The following ATRNL1 variants were observed in gnomAD, a reference collection of about 807,000 sequenced individuals.
The protein encoded by ATRNL1 is attractin-like protein 1.
ATRNL1 carries 95 observed loss-of-function variants against 182.7 expected under a neutral mutation model. That is an observed-to-expected ratio of 0.52 (90% confidence interval 0.44 to 0.62). The LOEUF is 0.62. Among genes scored for constraint, ATRNL1 ranks in the 20% least tolerant of loss-of-function variants. The probability of loss-of-function intolerance (pLI) is 0.00; values close to 1 mark genes in which losing one functional copy is unlikely to be tolerated. For missense variants in ATRNL1, 1,471 were observed against 1,679.5 expected (o/e 0.88, Z 2.17); for synonymous variants, 576 against 568.3 (o/e 1.01, Z -0.19).
chr10:115,528,855 C>A (rs1554987404), intron 25 of ATRNL1, among the ~76,000 whole-genome samples: 1 of 151,974 alleles, frequency 6.6e-6, no homozygotes, highest in African/African-American at 2.4e-5. Context: ...TTTCTAATTT[C>A]ATTGTGATTT....
chr10:115,523,051 C>G (rs1851028607), intron 25 of ATRNL1, among the ~76,000 whole-genome samples: 1 of 152,110 alleles, frequency 6.6e-6, no homozygotes, highest in Non-Finnish European at 1.5e-5. Flanking sequence ...TCTGCAGGGT[C>G]TCCACCCCTA....
chr10:115,688,085 G>A (rs1188099934), intron 26 of ATRNL1, among the ~76,000 whole-genome samples: 2 of 151,882 alleles, frequency 1.3e-5, no homozygotes, highest in African/African-American at 2.4e-5. Flanking sequence ...TCTGTGCCTG[G>A]CTTGTTTCAC....
chr10:115,106,832 C>T (rs2143486544), intron 1 of ATRNL1, among the ~76,000 whole-genome samples: 1 of 152,174 alleles, frequency 6.6e-6, no homozygotes, highest in Middle Eastern at 3.4e-3. Flanking sequence ...TCTTTATCAG[C>T]AGTGTGAAAA....
intron 25 of ATRNL1, among the ~76,000 whole-genome samples, chr10:115,543,352 A>G (rs1262122227): frequency 6.6e-6 from 1 of 152,182 alleles, no homozygotes; most frequent in Non-Finnish European, 1.5e-5. Context: ...ATTTTAAGTT[A>G]GAAGTGTATT....
intron 26 of ATRNL1, among the ~76,000 whole-genome samples, chr10:115,602,983 A>G (rs782671073): frequency 6.6e-6 from 1 of 152,214 alleles, no homozygotes; most frequent in African/African-American, 2.4e-5. Context: ...GTTAAAACAG[A>G]TACAAATGAA....
chr10:115,631,320 A>G (rs1379435351), intron 26 of ATRNL1, among the ~76,000 whole-genome samples: 4 of 152,118 alleles, frequency 2.6e-5, no homozygotes, highest in African/African-American at 4.8e-5. Flanking sequence ...AATATATTGT[A>G]TACCTTAAAC....
chr10:115,156,875 A>G (rs1173644251), intron 5 of ATRNL1, among the ~76,000 whole-genome samples: 1 of 152,112 alleles, frequency 6.6e-6, no homozygotes, highest in African/African-American at 2.4e-5. Context: ...CACATATAGT[A>G]TGTTCTTATT....
intron 26 of ATRNL1, among the ~76,000 whole-genome samples, chr10:115,704,072 A>G (rs1430076825): frequency 2.6e-5 from 4 of 152,028 alleles, no homozygotes; most frequent in Non-Finnish European, 1.5e-5. Context: ...TAAAAGGAAG[A>G]AAATTTTTAA....
At chr10:115,680,384 T>A (rs1946008805) in intron 26 of ATRNL1, among the ~76,000 whole-genome samples, 1 of 152,096 alleles carries the variant, frequency 6.6e-6, no homozygotes, top group African/African-American at 2.4e-5. Flanking sequence ...AGAGTTGACA[T>A]CTTCTCTGCT....
Position 115,251,481 on chromosome 10 carries a change from T to G in ATRNL1, c.1687+9756T>G, listed in dbSNP as rs559132965. ...TTTTGAGCTGGACCTTGTCCAGCTG[T>G]TTTCCTATTGTCTCCCATCATTGGG... On this transcript the variant is annotated intron_variant, in intron 10 of 28. Transcript: ENST00000355044. Among the ~76,000 whole-genome samples the G allele has an allele frequency of 1.9e-4, 29 of 152,200 alleles. 1 individual carries two copies. In the South Asian group the frequency reaches 5.6e-3, roughly 29 times the overall value.
intron 28 of ATRNL1, among the ~76,000 whole-genome samples, chr10:115,919,416 C>T (rs187705718): frequency 4.6e-5 from 7 of 152,248 alleles, no homozygotes; most frequent in Non-Finnish European, 8.8e-5. Flanking sequence ...ATAATCTCAG[C>T]TCAGAGCTCC....
At chr10:115,447,643 T>A (rs1469118752) in intron 21 of ATRNL1, among the ~76,000 whole-genome samples, 2 of 151,932 alleles carry the variant, frequency 1.3e-5, no homozygotes, top group Non-Finnish European at 2.9e-5. Flanking sequence ...TGTAGAATAT[T>A]TCTACAGGTA....
chr10:115,666,281 T>C (rs189090792), intron 26 of ATRNL1, among the ~76,000 whole-genome samples: 62 of 152,316 alleles, frequency 4.1e-4, no homozygotes, highest in African/African-American at 1.5e-3. Context: ...CTGTTATGAT[T>C]AACTGATAAA....
chr10:115,837,511 CA>C (rs1950705641), intron 27 of ATRNL1, among the ~76,000 whole-genome samples: 1 of 103,726 alleles, frequency 9.6e-6, no homozygotes, highest in Non-Finnish European at 1.9e-5. Context: ...CACACACACA[CA>C]CACACACACA....
At chr10:115,414,139 A>T (rs1373028404) in intron 20 of ATRNL1, among the ~76,000 whole-genome samples, 2 of 152,052 alleles carry the variant, frequency 1.3e-5, no homozygotes, top group Non-Finnish European at 2.9e-5. Flanking sequence ...TCAATTCTAT[A>T]TTGTAATCTA....
chr10:115,710,221 A>G (rs1438285815), intron 26 of ATRNL1, among the ~76,000 whole-genome samples: 1 of 152,092 alleles, frequency 6.6e-6, no homozygotes, highest in Non-Finnish European at 1.5e-5. Flanking sequence ...TCAGTAAGTT[A>G]TTTACTTTGT....
In ATRNL1 at chr10:115,166,458, A is replaced by AT. The variant is rs879988774; in HGVS notation, c.1092+827dup. Among the ~76,000 whole-genome samples, 882 of 141,076 alleles carry AT rather than the reference A, an allele frequency of 6.3e-3. 4 individuals carry two copies. Among genetic ancestry groups the AT allele is most frequent in the African/African-American group, 0.014 (557 of 38,718 alleles). The allele number at this position is 141,076 out of a possible 152,430, so 92.6% of individuals were successfully genotyped here. A position where few individuals can be genotyped will look rare whatever the true frequency, so the allele number is the denominator to read the frequency against. ...AAATCGTATGGTAATTCTATGTTTA[A>AT]TTTTTTTTTTTTTTAGCACTGCCAT... On this transcript the variant is annotated intron_variant, in intron 7 of 28. Transcript: ENST00000355044.
intron 22 of ATRNL1, among the ~76,000 whole-genome samples, chr10:115,466,838 G>T (rs536986546): frequency 3.3e-5 from 5 of 151,094 alleles, no homozygotes; most frequent in African/African-American, 7.2e-5. Context: ...CTAGCAAAAA[G>T]AATCAAAATA....
At chr10:115,756,513 A>C (rs1948593770) in intron 27 of ATRNL1, among the ~76,000 whole-genome samples, 1 of 152,140 alleles carries the variant, frequency 6.6e-6, no homozygotes. Flanking sequence ...ATTTGATTGC[A>C]CTATGGTCTC....
Sources: gnomAD v4.1 joint callset for allele counts (sites outside exome capture counted in the v4.1 genomes callset) on GRCh38, gnomAD v4.1.1 for gene constraint, MANE v1.5 for transcripts, NCBI Gene and HGNC (gene_info 2026-07-23, HGNC 2026-07-21) for gene names.